TNRC6B: variants seen among roughly 807,000 people sequenced by gnomAD.
TNRC6B encodes trinucleotide repeat-containing gene 6B protein.
In TNRC6B, 52 loss-of-function variants were observed where a neutral mutation model predicts 203.6. The observed-to-expected ratio is 0.26, with a 90% CI of 0.20 to 0.32. The LOEUF is 0.32. Among genes scored for constraint, TNRC6B ranks in the 10% least tolerant of loss-of-function variants. TNRC6B has a pLI of 1.00. For synonymous variants in TNRC6B, 838 were observed against 845.7 expected, an observed-to-expected ratio of 0.99 and a Z score of 0.16; for missense variants, 1,923 against 2,286.2, an observed-to-expected ratio of 0.84 and a Z score of 3.24.
At chr22:40,304,084 T>A (rs2071060123) in intron 15 of TNRC6B, among the ~76,000 whole-genome samples, 1 of 152,238 alleles carries the variant, frequency 6.6e-6, no homozygotes, top group Middle Eastern at 3.2e-3. Flanking sequence ...ATGCCGAAGA[T>A]GTAATGAAAT....
chr22:40,312,809 T>C, intron 18 of TNRC6B, 93 bp from the exon 19 acceptor site: 1 of 1,477,988 alleles, frequency 6.8e-7, no homozygotes, highest in East Asian at 2.3e-5. Context: ...TTGTCCTCCA[T>C]TCTATTGAAG....
At chr22:40,188,049 G>A (rs1417545434) in intron 1 of TNRC6B, among the ~76,000 whole-genome samples, 3 of 151,992 alleles carry the variant, frequency 2.0e-5, no homozygotes, top group African/African-American at 4.8e-5. Context: ...GTGAAACCTC[G>A]TCTCTACTAA....
intron 1 of TNRC6B, among the ~76,000 whole-genome samples, chr22:40,077,869 ATCTT>A (rs766212020): frequency 2.0e-4 from 31 of 152,166 alleles, no homozygotes; most frequent in Non-Finnish European, 4.0e-4. Flanking sequence ...TGCTGTGACT[ATCTT>A]TCTGTGTCAG....
chr22:40,192,349 G>A (rs147130861), intron 1 of TNRC6B, among the ~76,000 whole-genome samples: 256 of 152,326 alleles, frequency 1.7e-3, no homozygotes, highest in African/African-American at 5.7e-3. Context: ...TGGGTGTGGT[G>A]GTTCATGCCT....
chr22:40,310,704 T>A, intron 16 of TNRC6B, 113 bp from the exon 17 acceptor site: 1 of 1,077,940 alleles, frequency 9.3e-7, no homozygotes, highest in Non-Finnish European at 1.3e-6. Flanking sequence ...CCAGTGCTGT[T>A]TGTATATACT....
At chr22:40,101,931 G>C (rs2068244351) in intron 1 of TNRC6B, among the ~76,000 whole-genome samples, 1 of 152,142 alleles carries the variant, frequency 6.6e-6, no homozygotes, top group Non-Finnish European at 1.5e-5. Context: ...GTAGATCTCT[G>C]CATTACCAAA....
intron 1 of TNRC6B, among the ~76,000 whole-genome samples, chr22:40,214,900 A>G (rs1487233374): frequency 6.6e-6 from 1 of 152,174 alleles, no homozygotes; most frequent in African/African-American, 2.4e-5. Context: ...AATTATCTCA[A>G]AAAGTTAAAA....
At chr22:40,316,861 A>G (rs1056819951) in intron 21 of TNRC6B, among the ~76,000 whole-genome samples, 1 of 152,230 alleles carries the variant, frequency 6.6e-6, no homozygotes, top group Non-Finnish European at 1.5e-5. Context: ...GCTAGTTCAT[A>G]AAACTAGGTA....
At chr22:40,260,013 C>A (rs896179321) in intron 3 of TNRC6B, among the ~76,000 whole-genome samples, 2 of 152,090 alleles carry the variant, frequency 1.3e-5, no homozygotes, top group African/African-American at 4.8e-5. Flanking sequence ...TCTAAGAGAG[C>A]CTTCTCTGTA....
intron 1 of TNRC6B, among the ~76,000 whole-genome samples, chr22:40,102,993 C>T (rs1233631063): frequency 6.6e-6 from 1 of 152,102 alleles, no homozygotes; most frequent in Non-Finnish European, 1.5e-5. Flanking sequence ...AGGAGAATCG[C>T]TTGAACCAGG....
intron 1 of TNRC6B, among the ~76,000 whole-genome samples, chr22:40,049,438 G>A (rs2146261542): frequency 6.6e-6 from 1 of 152,134 alleles, no homozygotes; most frequent in South Asian, 2.1e-4. Flanking sequence ...AAACACTAAG[G>A]TCAATTACTA....
At chr22:40,290,026 A>G (rs1159166732) in intron 12 of TNRC6B, among the ~76,000 whole-genome samples, 2 of 152,190 alleles carry the variant, frequency 1.3e-5, no homozygotes, top group African/African-American at 4.8e-5. Flanking sequence ...TCAACAGCAC[A>G]GGCCCTGGCC....
chr22:40,146,431 T>C (rs937478684), intron 3 of TNRC6B, among the ~76,000 whole-genome samples: 1 of 152,136 alleles, frequency 6.6e-6, no homozygotes, highest in African/African-American at 2.4e-5. Context: ...GTTTCTCTCT[T>C]GTTGCCCAGG....
intron 21 of TNRC6B, among the ~76,000 whole-genome samples, chr22:40,318,821 A>G (rs1262374827): frequency 1.3e-5 from 2 of 152,116 alleles, no homozygotes; most frequent in East Asian, 1.9e-4. Flanking sequence ...TGTAATCCCA[A>G]CACTTTTGGG....
At chr22:40,314,323 T>G (rs1336061719) in intron 19 of TNRC6B, among the ~76,000 whole-genome samples, 1 of 152,202 alleles carries the variant, frequency 6.6e-6, no homozygotes, top group Non-Finnish European at 1.5e-5. Flanking sequence ...CAGTTATGAT[T>G]TCTCTTTAGT....
intron 4 of TNRC6B, among the ~76,000 whole-genome samples, chr22:40,172,651 TC>T (rs2069013030): frequency 6.6e-6 from 1 of 152,242 alleles, no homozygotes; most frequent in Admixed American, 6.5e-5. Flanking sequence ...ACCATCTTAG[TC>T]TAAATTCATA....
intron 3 of TNRC6B, among the ~76,000 whole-genome samples, chr22:40,147,243 A>G (rs939669174): frequency 7.3e-5 from 11 of 150,004 alleles, no homozygotes; most frequent in Non-Finnish European, 1.6e-4. Flanking sequence ...TAACTGGAGG[A>G]GTCAGAGTCA....
intron 2 of TNRC6B, among the ~76,000 whole-genome samples, chr22:40,124,324 T>G (rs2068469411): frequency 6.7e-6 from 1 of 148,860 alleles, no homozygotes; most frequent in Non-Finnish European, 1.5e-5. Flanking sequence ...TTTTTACCTT[T>G]TTTTTTTTTT....
intron 4 of TNRC6B, among the ~76,000 whole-genome samples, chr22:40,171,080 T>A (rs888660274): frequency 6.7e-6 from 1 of 149,172 alleles, no homozygotes; most frequent in Non-Finnish European, 1.5e-5. Flanking sequence ...ATATGTATGT[T>A]TATATATATG....
Sources: allele counts gnomAD v4.1 joint callset (sites outside exome capture counted in the v4.1 genomes callset), GRCh38; gene constraint gnomAD v4.1.1; transcripts MANE v1.5; gene names NCBI Gene and HGNC (gene_info 2026-07-23, HGNC 2026-07-21).